FSIP2: variants seen among roughly 807,000 people sequenced by gnomAD.
FSIP2 encodes fibrous sheath interacting protein 2.
FSIP2 carries 367 observed loss-of-function variants against 510.5 expected under a neutral mutation model. The ratio of observed to expected loss-of-function variants is 0.72; its 90% CI spans 0.66 to 0.78. The LOEUF (loss-of-function observed/expected upper bound fraction) is 0.78, where lower values mean the gene tolerates loss of function less well. Among genes scored for constraint, FSIP2 ranks in the 30% least tolerant of loss-of-function variants. The pLI is 0.00. For missense variants in FSIP2, 7,594 were observed against 7,901.7 expected, an observed-to-expected ratio of 0.96 and a Z score of 1.48; for synonymous variants, 2,601 against 2,732.2, an observed-to-expected ratio of 0.95 and a Z score of 1.50.
Position 185,793,015 on chromosome 2 carries a change from C to T in FSIP2, c.5879C>T (p.Thr1960Ile), listed in dbSNP as rs1268244530. 10 of 1,534,164 alleles carry T rather than the reference C, an allele frequency of 6.5e-6. No individual in the cohort carries two copies. In the Admixed American group the frequency reaches 2.0e-4, roughly 30 times the overall value. Residue 1960 changes from threonine (T) to isoleucine (I), a missense_variant, in exon 16 of 23, where the codon ACA becomes ATA. By Grantham distance (89) the Thr-to-Ile change is moderately conservative. Transcript: ENST00000424728. ...TTACCTATTCAGCAAGATCACAGTA[C>T]ATTGAGCAAAGCATTATCAGCCAAA... ...VALPIQQDHS[T>I]LSKALSAKDS...
rs1693220162 is a variant in FSIP2, at chr2:185,794,525, T to A, written c.7389T>A (p.Ile2463=). 2.0e-6 allele frequency: 3 copies of A among 1,528,986 alleles called. No homozygotes were observed. Among genetic ancestry groups the A allele is most frequent in the Non-Finnish European group, 2.6e-6 (3 of 1,144,444 alleles). 94.7% of individuals were successfully genotyped at this position (1,528,986 alleles called of 1,614,324 possible). The change falls in exon 16 of 23, where the codon ATT becomes ATA. Residue 2463 remains isoleucine (I), a synonymous_variant. Transcript: ENST00000424728. The part of the protein sequence containing the change: ...QMILENKRQI[I]VLEEIFMRNG... ...TATTGGAAAACAAAAGGCAGATAAT[T>A]GTTTTGGAAGAAATATTTATGAGAA...
chr2:185,822,159 A>C (rs1468585817), intron 19 of FSIP2, among the ~76,000 whole-genome samples: 1 of 151,950 alleles, frequency 6.6e-6, no homozygotes, highest in African/African-American at 2.4e-5. Flanking sequence ...GATCAGGGAC[A>C]AACAAAAAAA....
chr2:185,816,859 G>C (rs1470263088), intron 19 of FSIP2, among the ~76,000 whole-genome samples: 1 of 142,312 alleles, frequency 7.0e-6, no homozygotes, highest in Non-Finnish European at 1.5e-5. Flanking sequence ...CTGAGACAGA[G>C]AGAGAGAGAG....
intron 13 of FSIP2, among the ~76,000 whole-genome samples, chr2:185,777,624 C>A (rs931037499): frequency 2.0e-5 from 3 of 151,910 alleles, no homozygotes; most frequent in Admixed American, 6.6e-5. Context: ...TGAATTTTGA[C>A]TTTTTAAAAT....
intron 13 of FSIP2, among the ~76,000 whole-genome samples, chr2:185,777,246 T>G (rs997158229): frequency 2.6e-5 from 4 of 152,172 alleles, no homozygotes; most frequent in Non-Finnish European, 5.9e-5. Context: ...AGACCTTCTT[T>G]TTTTCTCAGC....
At chr2:185,786,590 A>G (rs970849131) in intron 15 of FSIP2, among the ~76,000 whole-genome samples, 10 of 151,924 alleles carry the variant, frequency 6.6e-5, no homozygotes, top group African/African-American at 2.4e-4. Context: ...CCACAAGCCT[A>G]TTATATCATG....
rs924354118 is a variant in FSIP2 at position 185,786,285 on chromosome 2, A to G, written c.1503A>G (p.Glu501=). ...ACTTGCTGCAAAATTGCTTGCAAGA[A>G]AAAGTATGTATCATAAAATCCACCG... ...QQNLLQNCLQ[E]KVTSEELNII... The change falls in exon 15 of 23, where the codon GAA becomes GAG. Residue 501 remains glutamate, a synonymous_variant. Transcript: ENST00000424728. 1 of 1,523,826 alleles carries G rather than the reference A, an allele frequency of 6.6e-7. No homozygotes were observed. Among genetic ancestry groups the G allele is most frequent in the African/African-American group, 1.4e-5 (1 of 72,612 alleles). The allele number at this position is 1,523,826 out of a possible 1,614,324, so 94.4% of individuals were successfully genotyped here.
Position 185,805,137 on chromosome 2 carries a change from G to A in FSIP2, c.15831G>A (p.Leu5277=), listed in dbSNP as rs1574196656. The change falls in exon 17 of 23, where the codon TTG becomes TTA. Residue 5277 remains leucine (L), a synonymous_variant. Transcript: ENST00000424728. ...TQPSLYSATF[L]EDIIIDLVHK... is the part of the protein sequence containing the mutation. ...CTTCTCTCTATTCAGCTACATTTTT[G>A]GAAGACATAATCATTGACCTTGTTC... is the stretch of plus-strand genomic sequence containing the variant. 1 of 1,609,348 alleles carries A rather than the reference G, an allele frequency of 6.2e-7. No individual in the cohort carries two copies. The highest frequency in any genetic ancestry group is 1.3e-5 in the African/African-American group (1 of 74,712).
rs1293281407 is a variant in FSIP2, at chr2:185,796,251, AT to A, written c.9116del (p.Met3039SerfsTer8). 1.3e-5 allele frequency: 20 copies of A among 1,531,012 alleles called. No individual in the cohort carries two copies. Among genetic ancestry groups the A allele is most frequent in the East Asian group, 4.9e-5 (2 of 40,820 alleles). 94.8% of individuals were successfully genotyped at this position (1,531,012 alleles called of 1,614,324 possible). On this transcript the variant is annotated frameshift_variant, in exon 16 of 23. Transcript: ENST00000424728. LOFTEE classifies it high-confidence loss of function. ...CCAACAGAAACTGTTAAACAAAAAA[AT>A]GTTGCCAAAATTACAACCACTGAAA... The part of the protein sequence containing the change: ...SIQQKLLNKK[M>X]LPKLQPLKMF...
Position 185,808,164 on chromosome 2 carries a change from C to A in FSIP2, c.18858C>A (p.Gly6286=). The part of the protein sequence containing the change: ...GKSNVLSDTI[G]FLMVNAISNS... ...GCAATGTCCTCTCTGATACAATAGG[C>A]TTTTTAATGGTGAATGCAATTTCGA... is the stretch of plus-strand genomic sequence containing the variant. The change falls in exon 17 of 23, where the codon GGC becomes GGA. Residue 6286 remains glycine, a synonymous_variant. Coordinates refer to ENST00000424728, the MANE Select transcript of FSIP2 (RefSeq NM_173651.4). 6.2e-7 allele frequency: 1 copy of A among 1,611,308 alleles called. No individual in the cohort carries two copies. Among genetic ancestry groups the A allele is most frequent in the Non-Finnish European group, 8.5e-7 (1 of 1,178,794 alleles).
intron 13 of FSIP2, among the ~76,000 whole-genome samples, chr2:185,767,702 T>C (rs753803373): frequency 1.3e-5 from 2 of 152,178 alleles, no homozygotes; most frequent in Non-Finnish European, 2.9e-5. Flanking sequence ...TTTATACATC[T>C]ACTTAGACAG....
At chr2:185,745,623 G>T in intron 5 of FSIP2, 55 bp downstream of exon 5, 1 of 1,389,134 alleles carries the variant, frequency 7.2e-7, no homozygotes, top group Non-Finnish European at 9.6e-7. Flanking sequence ...CAAATAAGCT[G>T]GAAAATACTA....
chr2:185,792,457 T>C lies in FSIP2; in HGVS notation c.5321T>C (p.Ile1774Thr), dbSNP rs1231982787. The change falls in exon 16 of 23, where the codon ATA becomes ACA. Residue 1774 changes from isoleucine (I) to threonine (T), a missense_variant. Transcript: ENST00000424728. ...GAAGTAAAACTCAAAGAACCACATA[T>C]ATCTCCAATTGCTCCCATTATAAGA... is the stretch of plus-strand genomic sequence containing the variant. Reference protein sequence around the residue: ...KIEVKLKEPHISPIAPIIRNI... With the variant: ...KIEVKLKEPHTSPIAPIIRNI... 4.6e-6 allele frequency: 7 copies of C among 1,531,210 alleles called. No homozygotes were observed. The highest frequency in any genetic ancestry group is 6.1e-6 in the Non-Finnish European group (7 of 1,143,092). 94.9% of individuals were successfully genotyped at this position (1,531,210 alleles called of 1,614,324 possible).
chr2:185,776,567 T>G (rs1348657837), intron 13 of FSIP2, among the ~76,000 whole-genome samples: 1 of 152,192 alleles, frequency 6.6e-6, no homozygotes, highest in Non-Finnish European at 1.5e-5. Context: ...ATTCCTATTA[T>G]TCATTTTTAA....
chr2:185,763,146 A>G (rs1288588004), intron 11 of FSIP2, 37 bp from the exon 12 acceptor site: 1 of 886,182 alleles, frequency 1.1e-6, no homozygotes, highest in Non-Finnish European at 1.8e-6. Flanking sequence ...CAGCAATATC[A>G]GCTTCTCATA....
At chr2:185,758,857 A>AT (rs1239044438) in intron 9 of FSIP2, among the ~76,000 whole-genome samples, 3 of 150,990 alleles carry the variant, frequency 2.0e-5, no homozygotes, top group African/African-American at 7.3e-5. Flanking sequence ...AATTTTCTTC[A>AT]TTTTTGTGGC....
chr2:185,795,815 C>G lies in FSIP2; in HGVS notation c.8679C>G (p.Ser2893Arg), dbSNP rs1436159316. ...LNLPPLENCE[S>R]RFYNHFKGAS... ...TGCCCCCTCTTGAGAATTGTGAAAG[C>G]AGGTTTTATAATCATTTTAAAGGAG... Residue 2893 changes from serine (S) to arginine (R), a missense_variant, in exon 16 of 23, where the codon AGC becomes AGG. Ser to Arg is a moderately radical substitution (Grantham distance 110, BLOSUM62 -1). Transcript: ENST00000424728. 8 of 1,533,610 alleles carry G rather than the reference C, an allele frequency of 5.2e-6. No homozygotes were observed. The Admixed American group carries it at 1.6e-4, about 30-fold the overall frequency.
intron 13 of FSIP2, among the ~76,000 whole-genome samples, chr2:185,768,156 T>C (rs1260192699): frequency 6.6e-6 from 1 of 152,132 alleles, no homozygotes; most frequent in African/African-American, 2.4e-5. Flanking sequence ...GATTTTTATA[T>C]GCTTGGGATA....
rs1485490327 is a variant in FSIP2, at chr2:185,800,217, T to C, written c.10911T>C (p.His3637=). ...TAAGAAACAAATCATTTTCTATGCA[T>C]AGAAATAATAGTGTACCCCTTTGCA... ...SNVRNKSFSM[H]RNNSVPLCNK... Residue 3637 remains histidine, a synonymous_variant, in exon 17 of 23, where the codon CAT becomes CAC. Coordinates refer to ENST00000424728, the MANE Select transcript of FSIP2 (RefSeq NM_173651.4). 1 of 1,531,400 alleles carries C rather than the reference T, an allele frequency of 6.5e-7. No individual in the cohort carries two copies. Among genetic ancestry groups the C allele is most frequent in the Admixed American group, 2.0e-5 (1 of 50,390 alleles). The allele number at this position is 1,531,400 out of a possible 1,614,324, so 94.9% of individuals were successfully genotyped here. A position where few individuals can be genotyped will look rare whatever the true frequency, so the allele number is the denominator to read the frequency against.
Sources: gnomAD v4.1 joint callset for allele counts (sites outside exome capture counted in the v4.1 genomes callset) on GRCh38, gnomAD v4.1.1 for gene constraint, MANE v1.5 for transcripts, NCBI Gene and HGNC (gene_info 2026-07-23, HGNC 2026-07-21) for gene names.